Variants in FAM3D observed in about 807,000 individuals in gnomAD.
The protein encoded by FAM3D is FAM3 metabolism regulating signaling molecule D.
FAM3D carries 26 observed loss-of-function variants against 29.8 expected under a neutral mutation model. The observed-to-expected ratio is 0.87, with a 90% CI of 0.64 to 1.21. The LOEUF (loss-of-function observed/expected upper bound fraction) is 1.21. Ranked by LOEUF, FAM3D falls within the 50% of genes most tolerant of loss-of-function variation. The pLI, the probability that FAM3D is intolerant of heterozygous loss-of-function variation, is 0.00. For synonymous variants in FAM3D, 115 were observed against 102.3 expected, an observed-to-expected ratio of 1.12 and a Z score of -0.75; for missense variants, 253 against 290.9, an observed-to-expected ratio of 0.87 and a Z score of 0.95.
intron 1 of FAM3D, among the ~76,000 whole-genome samples, chr3:58,664,197 G>A (rs2106967040): frequency 6.6e-6 from 1 of 152,316 alleles, no homozygotes; most frequent in Middle Eastern, 3.4e-3. Context: ...CAAAGTTATT[G>A]TATTTAAACC....
chr3:58,639,479 C>T (rs146092832), intron 7 of FAM3D, among the ~76,000 whole-genome samples: 1 of 152,210 alleles, frequency 6.6e-6, no homozygotes, highest in Non-Finnish European at 1.5e-5. Flanking sequence ...CAGTAGGACT[C>T]CAGGCAGAAT....
chr3:58,641,365 A>G (rs1575473422), intron 6 of FAM3D, among the ~76,000 whole-genome samples: 2 of 148,088 alleles, frequency 1.4e-5, no homozygotes, highest in South Asian at 2.1e-4. Flanking sequence ...AAGTTGCTTA[A>G]CCTCTTTTTT....
chr3:58,649,458 T>C, intron 3 of FAM3D, 120 bp from the exon 4 acceptor site: 1 of 1,230,576 alleles, frequency 8.1e-7, no homozygotes, highest in Non-Finnish European at 1.2e-6. Flanking sequence ...GCCATTGAAA[T>C]GAACTAAAAA....
In FAM3D at chr3:58,635,997, C is replaced by T. The variant is rs13320605; in HGVS notation, c.585+297G>A. Among the ~76,000 whole-genome samples, 6,055 of 152,330 alleles carry T rather than the reference C, an allele frequency of 0.04. 181 individuals are homozygous for T. Among genetic ancestry groups the T allele is most frequent in the African/African-American group, 0.076 (3,171 of 41,580 alleles). On this transcript the variant is annotated intron_variant, in intron 9 of 9. Transcript: ENST00000358781. This position sits in a 1 kb window ranked among gnomAD's most constrained non-coding sequence, Gnocchi z 5.2. ...CAGCTCCATGTCTCCATTTCTTTCT[C>T]GTTCCTTCATGCCTCACTTGCCCAT...
At chr3:58,639,351 A>G (rs1179777909) in intron 7 of FAM3D, among the ~76,000 whole-genome samples, 4 of 152,154 alleles carry the variant, frequency 2.6e-5, no homozygotes, top group East Asian at 1.9e-4. Context: ...CCTCTATGTC[A>G]CAGATGAAGA....
At chr3:58,659,935 A>G (rs545664828) in intron 1 of FAM3D, among the ~76,000 whole-genome samples, 4 of 152,340 alleles carry the variant, frequency 2.6e-5, no homozygotes, top group South Asian at 2.1e-4. Context: ...AATTCTGCAG[A>G]CAGAGTGTGG....
At chr3:58,636,260 C>A (rs745925161) in intron 9 of FAM3D, 34 bp downstream of exon 9, 1 of 1,603,982 alleles carries the variant, frequency 6.2e-7, no homozygotes, top group Admixed American at 1.7e-5. Flanking sequence ...CCTCATGCAT[C>A]CTTCATAGGG....
At chr3:58,660,253 G>A (rs2066905966) in intron 1 of FAM3D, among the ~76,000 whole-genome samples, 1 of 152,190 alleles carries the variant, frequency 6.6e-6, no homozygotes, top group Admixed American at 6.5e-5. Flanking sequence ...ATGCACGTGA[G>A]TCAGGGCACT....
intron 1 of FAM3D, among the ~76,000 whole-genome samples, chr3:58,665,219 C>T (rs530042095): frequency 4.3e-4 from 65 of 152,128 alleles, no homozygotes; most frequent in Non-Finnish European, 7.8e-4. Flanking sequence ...TGAGCAATGG[C>T]AAACTCCTCC....
intron 7 of FAM3D, among the ~76,000 whole-genome samples, chr3:58,637,564 C>T (rs1559495167): frequency 6.6e-6 from 1 of 152,154 alleles, no homozygotes; most frequent in Non-Finnish European, 1.5e-5. Context: ...GGACGAAGTG[C>T]CATCATCTCT....
rs2106670791 is a variant in FAM3D at position 58,634,482 on chromosome 3, A to G, written c.586-114T>C. The G allele has an allele frequency of 1.2e-6, 1 of 854,068 alleles. No homozygotes were observed. The highest frequency in any genetic ancestry group is 2.7e-5 in the East Asian group (1 of 36,634). The allele number at this position is 854,068 out of a possible 1,614,324, so 52.9% of individuals were successfully genotyped here. ...TGGGGGTGTGGGATGTTATTAACCC[A>G]CTTCACAGATGGGGAAACTGAGGCT... On this transcript the variant is annotated intron_variant, in intron 9 of 9. Transcript: ENST00000358781. This position sits in a 1 kb window ranked among gnomAD's most constrained non-coding sequence, Gnocchi z 4.6.
chr3:58,654,209 C>A (rs2066724866), intron 2 of FAM3D, among the ~76,000 whole-genome samples: 1 of 152,240 alleles, frequency 6.6e-6, no homozygotes, highest in Admixed American at 6.5e-5. Context: ...GTGCTCAGGG[C>A]AGCCAGCAGT....
intron 1 of FAM3D, among the ~76,000 whole-genome samples, chr3:58,656,920 C>T (rs2066820279): frequency 6.6e-6 from 1 of 152,160 alleles, no homozygotes; most frequent in South Asian, 2.1e-4. Flanking sequence ...ACAATAACAG[C>T]AACAGCAGCA....
intron 1 of FAM3D, among the ~76,000 whole-genome samples, chr3:58,662,897 C>T (rs2066959367): frequency 6.6e-6 from 1 of 152,166 alleles, no homozygotes; most frequent in African/African-American, 2.4e-5. Context: ...CAGAGCCTTC[C>T]TAGCACTTTT....
At chr3:58,646,384 T>C (rs1001378462) in intron 4 of FAM3D, among the ~76,000 whole-genome samples, 4 of 152,188 alleles carry the variant, frequency 2.6e-5, no homozygotes, top group Admixed American at 1.3e-4. Context: ...ATCTTCTCCA[T>C]GCAGCCTTCA....
chr3:58,637,368 C>G, intron 7 of FAM3D, 143 bp from the exon 8 acceptor site: 1 of 717,052 alleles, frequency 1.4e-6, no homozygotes, highest in East Asian at 2.7e-5. Flanking sequence ...GGAAGAGCAT[C>G]CCAGGTGGAG....
At chr3:58,637,329 GGACACTGGGCTGAGCTCAGAAGCCA>G in intron 7 of FAM3D, 104 bp from the exon 8 acceptor site, 1 of 1,060,480 alleles carries the variant, frequency 9.4e-7, no homozygotes, top group South Asian at 1.5e-5. Flanking sequence ...TAGGCCCGGT[GGACACTGGGCTGAGCTCAGAAGCCA>G]GGAGGAAGAG....
At chr3:58,640,328 T>C (rs2066292557) in intron 6 of FAM3D, 151 bp from the exon 7 acceptor site, 5 of 853,108 alleles carry the variant, frequency 5.9e-6, no homozygotes, top group African/African-American at 1.7e-5. Flanking sequence ...AGGACTAAAG[T>C]AGGTTTCCAG....
rs1280043885 is a variant in FAM3D, at chr3:58,645,385, G to A, written c.263+124C>T. The stretch of plus-strand genomic sequence containing the variant: ...TTGTTATTTGTGCCTCACACACCCA[G>A]AGTGAAAGGGAAGCTGTGGGCTGGT... On this transcript the variant is annotated intron_variant, in intron 5 of 9. Transcript: ENST00000358781. 8.0e-6 allele frequency: 5 copies of A among 628,090 alleles called. No homozygotes were observed. The Admixed American group carries it at 1.6e-4, about 20-fold the overall frequency. 38.9% of individuals were successfully genotyped at this position (628,090 alleles called of 1,614,324 possible). A position where few individuals can be genotyped will look rare whatever the true frequency, so the allele number is the denominator to read the frequency against.
Sources: gnomAD v4.1 joint callset for allele counts (sites outside exome capture counted in the v4.1 genomes callset) on GRCh38, gnomAD v4.1.1 for gene constraint, Gnocchi (gnomAD v3.1) non-coding constraint, MANE v1.5 for transcripts, NCBI Gene and HGNC (gene_info 2026-07-23, HGNC 2026-07-21) for gene names.